ADAMTS6: variants seen among roughly 807,000 people sequenced by gnomAD.
The protein encoded by ADAMTS6 is A disintegrin and metalloproteinase with thrombospondin motifs 6.
In ADAMTS6, 23 loss-of-function variants were observed where a neutral mutation model predicts 144.3. The ratio of observed to expected loss-of-function variants is 0.16; its 90% CI spans 0.11 to 0.23. The LOEUF is 0.23. Among genes scored for constraint, ADAMTS6 ranks in the 10% least tolerant of loss-of-function variants. The probability of loss-of-function intolerance (pLI) is 1.00; values close to 1 mark genes in which losing one functional copy is unlikely to be tolerated. For synonymous variants in ADAMTS6, 444 were observed against 457.5 expected (o/e 0.97, Z 0.38); for missense variants, 999 against 1,379.6 (o/e 0.72, Z 4.37).
chr5:65,172,966 GAAC>G lies in ADAMTS6; in HGVS notation c.2950_2952del (p.Val984del). ...TTAGAAAGGTCACTGCTCTTGCACA[GAAC>G]AATCCGATGCTTGAATCCTGGACCA... is the stretch of plus-strand genomic sequence containing the variant. On this transcript the variant is annotated inframe_deletion, in exon 23 of 25. Coordinates refer to ENST00000381055, the MANE Select transcript of ADAMTS6 (RefSeq NM_197941.4). The G allele has an allele frequency of 6.2e-7, 1 of 1,614,188 alleles. No homozygotes were observed. Among genetic ancestry groups the G allele is most frequent in the South Asian group, 1.1e-5 (1 of 91,070 alleles).
At chr5:65,310,713 A>T (rs1226889771) in intron 9 of ADAMTS6, among the ~76,000 whole-genome samples, 1 of 152,244 alleles carries the variant, frequency 6.6e-6, no homozygotes, top group African/African-American at 2.4e-5. Context: ...AAAGTTTTCT[A>T]TAGAACTAGT....
intron 11 of ADAMTS6, among the ~76,000 whole-genome samples, chr5:65,285,148 G>C (rs1390981844): frequency 1.3e-5 from 2 of 152,138 alleles, no homozygotes; most frequent in African/African-American, 2.4e-5. Flanking sequence ...TGTTTCCTAA[G>C]ACATAATATG....
rs1042964607 is a variant in ADAMTS6 at position 65,220,678 on chromosome 5, C to A, written c.2272+3642G>T. 4.0e-5 allele frequency among the ~76,000 whole-genome samples: 6 copies of A among 151,894 alleles called. No homozygotes were observed. In the South Asian group the frequency reaches 6.2e-4, roughly 16 times the overall value. Reference sequence around the variant, plus strand: ...AGGAGAATGGCATGAACCTGGGAGGCGGTGCTTGCAGTGAGCCGAGATTGC... The same window carrying A: ...AGGAGAATGGCATGAACCTGGGAGGAGGTGCTTGCAGTGAGCCGAGATTGC... On this transcript the variant is annotated intron_variant, in intron 18 of 24. Transcript: ENST00000381055.
rs191318824 is a variant in ADAMTS6 at position 65,354,667 on chromosome 5, C to T, written c.1074-20582G>A. On this transcript the variant is annotated intron_variant, in intron 7 of 24. Transcript: ENST00000381055. ...AAACCTAATTACAAATTTCAAATTT[C>T]GCTCAGTAAACTACTTTAATTTAGG... 4.0e-5 allele frequency among the ~76,000 whole-genome samples: 6 copies of T among 151,748 alleles called. No individual in the cohort carries two copies. In the East Asian group the frequency reaches 5.8e-4, roughly 15 times the overall value.
chr5:65,440,059 C>T (rs1242668288), intron 7 of ADAMTS6, among the ~76,000 whole-genome samples: 2 of 152,090 alleles, frequency 1.3e-5, no homozygotes, highest in Admixed American at 6.6e-5. Context: ...CCACATGCCT[C>T]GGCGTCCCAA....
chr5:65,368,233 C>T (rs1469967131), intron 7 of ADAMTS6, among the ~76,000 whole-genome samples: 1 of 152,148 alleles, frequency 6.6e-6, no homozygotes, highest in Non-Finnish European at 1.5e-5. Flanking sequence ...AGAATAGAAA[C>T]TCCTTTTGCT....
chr5:65,157,889 C>A (rs139524994), intron 24 of ADAMTS6, among the ~76,000 whole-genome samples: 1 of 152,234 alleles, frequency 6.6e-6, no homozygotes, highest in Non-Finnish European at 1.5e-5. Flanking sequence ...AACAGTACAC[C>A]AGCTTATTTT....
chr5:65,223,337 A>G (rs957766083), intron 18 of ADAMTS6, among the ~76,000 whole-genome samples: 1 of 152,212 alleles, frequency 6.6e-6, no homozygotes, highest in Non-Finnish European at 1.5e-5. Context: ...CCTTTTTTGT[A>G]TGTGGTGACA....
At chr5:65,240,901 A>G (rs141854123) in intron 15 of ADAMTS6, among the ~76,000 whole-genome samples, 2,107 of 152,322 alleles carry the variant, frequency 0.014, 18 homozygotes, top group Middle Eastern at 0.041. Context: ...AACCAGAGAA[A>G]GCATAGTTAA....
intron 2 of ADAMTS6, among the ~76,000 whole-genome samples, chr5:65,472,145 TTATC>T (rs1760492168): frequency 6.6e-6 from 1 of 152,224 alleles, no homozygotes; most frequent in African/African-American, 2.4e-5. Flanking sequence ...TCAAAGTTCA[TTATC>T]TAACATTTAA....
chr5:65,399,319 T>G (rs1426530930), intron 7 of ADAMTS6, among the ~76,000 whole-genome samples: 1 of 152,236 alleles, frequency 6.6e-6, no homozygotes, highest in African/African-American at 2.4e-5. Context: ...TCTTATTCAC[T>G]CTAACAATCT....
At chr5:65,370,184 T>A (rs1010694995) in intron 7 of ADAMTS6, among the ~76,000 whole-genome samples, 1 of 152,078 alleles carries the variant, frequency 6.6e-6, no homozygotes, top group Non-Finnish European at 1.5e-5. Flanking sequence ...CTGAGGCAGG[T>A]GGATCATGAG....
At position 65,176,258 on chromosome 5, in the gene ADAMTS6, C is replaced by T. The variant is rs551724334; in HGVS notation, c.2911-3250G>A. Reference sequence around the variant, plus strand: ...TTGAGGCATGTCGAAAAATTGTCTGCGAAAGTCGTGAAAGAAAAAAATGTT... The same window carrying T: ...TTGAGGCATGTCGAAAAATTGTCTGTGAAAGTCGTGAAAGAAAAAAATGTT... On this transcript the variant is annotated intron_variant, in intron 22 of 24. Coordinates refer to ENST00000381055, the MANE Select transcript of ADAMTS6 (RefSeq NM_197941.4). Among the ~76,000 whole-genome samples the T allele has an allele frequency of 2.5e-3, 384 of 151,594 alleles. 3 individuals carry two copies. Among genetic ancestry groups the T allele is most frequent in the Non-Finnish European group, 3.2e-3 (219 of 67,926 alleles).
intron 20 of ADAMTS6, among the ~76,000 whole-genome samples, chr5:65,212,993 A>G (rs751691999): frequency 6.6e-6 from 1 of 152,236 alleles, no homozygotes; most frequent in Non-Finnish European, 1.5e-5. Flanking sequence ...ATAGAATAAA[A>G]AGAATTGAAT....
intron 11 of ADAMTS6, among the ~76,000 whole-genome samples, chr5:65,283,572 A>G (rs2112716523): frequency 6.6e-6 from 1 of 152,298 alleles, no homozygotes; most frequent in Non-Finnish European, 1.5e-5. Context: ...TTAAGAAAAA[A>G]ATCAAATAAA....
rs769032693 is a variant in ADAMTS6, at chr5:65,273,347, T to A, written c.1613A>T (p.Glu538Val). The change falls in exon 12 of 25, where the codon GAA becomes GTA. Residue 538 changes from glutamate (E) to valine (V), a missense_variant. Physicochemically the swap from Glu to Val is moderately radical, Grantham distance 121. Around this residue, in one of 3 missense-constraint regions of ADAMTS6, gnomAD observed 619 missense variants for 837.0 expected, o/e 0.74. Transcript: ENST00000381055. The stretch of plus-strand genomic sequence containing the variant: ...GTAAATCATTGAGCTTACCCCTTTT[T>A]CAATATTCCCAGTTTGACACAGTGT... ...EGTLCQTGNI[E>V]KGWCYQGDCV... is the part of the protein sequence containing the mutation. 1 of 1,613,800 alleles carries A rather than the reference T, an allele frequency of 6.2e-7. No individual in the cohort carries two copies.
chr5:65,256,961 T>TC (rs1554056689), intron 14 of ADAMTS6, among the ~76,000 whole-genome samples: 3,873 of 117,868 alleles, frequency 0.033, 143 homozygotes, highest in Non-Finnish European at 0.055. Context: ...GGGTCACTTT[T>TC]TCTCTCTCTC....
intron 14 of ADAMTS6, among the ~76,000 whole-genome samples, chr5:65,247,895 AT>A (rs1309393573): frequency 6.6e-6 from 1 of 151,950 alleles, no homozygotes; most frequent in East Asian, 1.9e-4. Flanking sequence ...CCAAAATTTC[AT>A]TTTCTTCTTC....
At chr5:65,350,626 T>C (rs1351192293) in intron 7 of ADAMTS6, among the ~76,000 whole-genome samples, 2 of 152,138 alleles carry the variant, frequency 1.3e-5, no homozygotes, top group African/African-American at 4.8e-5. Context: ...TGCCAATACT[T>C]TACTATTAAG....
Sources: allele counts gnomAD v4.1 joint callset (sites outside exome capture counted in the v4.1 genomes callset), GRCh38; gene constraint gnomAD v4.1.1; regional missense constraint gnomAD v4.1.1; transcripts MANE v1.5; gene names NCBI Gene and HGNC (gene_info 2026-07-23, HGNC 2026-07-21).